THSD7A: variants seen among roughly 807,000 people sequenced by gnomAD.
THSD7A encodes the protein thrombospondin type 1 domain containing 7A.
In THSD7A, 96 loss-of-function variants were observed where a neutral mutation model predicts 231.3. The observed-to-expected ratio is 0.41, with a 90% CI of 0.35 to 0.49. The LOEUF is 0.49. Among genes scored for constraint, THSD7A ranks in the 20% least tolerant of loss-of-function variants. The pLI is 0.05. For synonymous variants in THSD7A, 940 were observed against 743.3 expected, an observed-to-expected ratio of 1.26 and a Z score of -4.30; for missense variants, 2,290 against 2,070.2, an observed-to-expected ratio of 1.11 and a Z score of -2.06.
intron 16 of THSD7A, among the ~76,000 whole-genome samples, chr7:11,422,017 A>G (rs892995812): frequency 2.8e-4 from 43 of 152,172 alleles, no homozygotes; most frequent in Non-Finnish European, 1.5e-5. Context: ...CTTTCTAAGG[A>G]GCAAGAATTA....
At chr7:11,501,306 C>T (rs528861367) in intron 6 of THSD7A, among the ~76,000 whole-genome samples, 10 of 152,202 alleles carry the variant, frequency 6.6e-5, no homozygotes, top group Non-Finnish European at 1.2e-4. Context: ...GAAATCTCCA[C>T]CCAAAAGCAA....
chr7:11,799,216 C>A (rs990278820), intron 1 of THSD7A, among the ~76,000 whole-genome samples: 1 of 152,050 alleles, frequency 6.6e-6, no homozygotes, highest in Non-Finnish European at 1.5e-5. Flanking sequence ...CCACCGCGCC[C>A]GGCCTTACCA....
chr7:11,749,624 ACT>A (rs1295955370), intron 1 of THSD7A, among the ~76,000 whole-genome samples: 1 of 151,944 alleles, frequency 6.6e-6, no homozygotes, highest in East Asian at 1.9e-4. Flanking sequence ...TGTTTCTTTA[ACT>A]TGCACTCAAG....
intron 4 of THSD7A, among the ~76,000 whole-genome samples, chr7:11,576,963 T>C (rs765744913): frequency 6.6e-6 from 1 of 152,200 alleles, no homozygotes; most frequent in African/African-American, 2.4e-5. Flanking sequence ...GAAGCGAGTA[T>C]GCTTGCAATG....
At chr7:11,437,070 TA>T in intron 13 of THSD7A, among the ~76,000 whole-genome samples, 1 of 152,118 alleles carries the variant, frequency 6.6e-6, no homozygotes, top group Non-Finnish European at 1.5e-5. Context: ...ACTTTATTCC[TA>T]AAAAACTGAA....
At chr7:11,571,372 C>A (rs1001428875) in intron 4 of THSD7A, among the ~76,000 whole-genome samples, 10 of 152,090 alleles carry the variant, frequency 6.6e-5, no homozygotes, top group African/African-American at 2.4e-4. Flanking sequence ...CATGTTTTCC[C>A]CTGTTGAGCT....
chr7:11,542,168 T>G (rs1789179541), intron 5 of THSD7A, among the ~76,000 whole-genome samples: 1 of 152,216 alleles, frequency 6.6e-6, no homozygotes. Flanking sequence ...TTTTAGACCC[T>G]CTGGAAATTT....
chr7:11,602,213 T>C (rs1035567852), intron 2 of THSD7A, among the ~76,000 whole-genome samples: 5 of 152,136 alleles, frequency 3.3e-5, no homozygotes, highest in African/African-American at 7.2e-5. Flanking sequence ...GTATTAAATA[T>C]GAGAAATTAA....
chr7:11,376,767 G>A (rs975572176), intron 26 of THSD7A, 110 bp from the exon 27 acceptor site: 6 of 638,146 alleles, frequency 9.4e-6, no homozygotes, highest in African/African-American at 3.7e-5. Flanking sequence ...TTCAAAACCC[G>A]AAAAGAATTA....
At chr7:11,776,568 T>C (rs1365731602) in intron 1 of THSD7A, among the ~76,000 whole-genome samples, 1 of 152,212 alleles carries the variant, frequency 6.6e-6, no homozygotes, top group Non-Finnish European at 1.5e-5. Context: ...AAGCACTGTA[T>C]AAGGTTTGTC....
At chr7:11,480,898 A>T (rs1786396008) in intron 7 of THSD7A, among the ~76,000 whole-genome samples, 1 of 149,036 alleles carries the variant, frequency 6.7e-6, no homozygotes, top group Non-Finnish European at 1.5e-5. Flanking sequence ...TACAAATAGA[A>T]ATAATTATTT....
chr7:11,526,576 T>C (rs1366742254), intron 6 of THSD7A, among the ~76,000 whole-genome samples: 1 of 152,242 alleles, frequency 6.6e-6, no homozygotes, highest in South Asian at 2.1e-4. Context: ...GGCATAACCA[T>C]GTGCCTGTGA....
intron 23 of THSD7A, among the ~76,000 whole-genome samples, chr7:11,387,874 A>C (rs181860970): frequency 7.2e-4 from 109 of 152,194 alleles, no homozygotes; most frequent in African/African-American, 2.6e-3. Flanking sequence ...TTATTTTGAG[A>C]TATGTTTCAT....
intron 1 of THSD7A, among the ~76,000 whole-genome samples, chr7:11,654,795 T>C (rs1782646119): frequency 6.6e-6 from 1 of 151,926 alleles, no homozygotes; most frequent in South Asian, 2.1e-4. Context: ...ACAGTAAGGA[T>C]GCATTTTAAA....
intron 4 of THSD7A, among the ~76,000 whole-genome samples, chr7:11,581,084 G>T (rs1473059988): frequency 6.6e-6 from 1 of 151,972 alleles, no homozygotes; most frequent in South Asian, 2.1e-4. Context: ...AACATAGAAT[G>T]AGTTTAATAT....
intron 1 of THSD7A, among the ~76,000 whole-genome samples, chr7:11,747,921 A>G (rs1477240271): frequency 6.6e-6 from 1 of 151,970 alleles, no homozygotes; most frequent in East Asian, 1.9e-4. Context: ...TTTCAGGGAA[A>G]TGGAAACAAT....
At chr7:11,546,378 A>C (rs1217355674) in intron 4 of THSD7A, among the ~76,000 whole-genome samples, 1 of 152,116 alleles carries the variant, frequency 6.6e-6, no homozygotes, top group African/African-American at 2.4e-5. Context: ...CAGCCCTTGC[A>C]GTACAGCAGG....
intron 1 of THSD7A, among the ~76,000 whole-genome samples, chr7:11,648,786 T>C (rs1393900152): frequency 6.6e-6 from 1 of 151,950 alleles, no homozygotes; most frequent in Non-Finnish European, 1.5e-5. Flanking sequence ...AGCCAGAGAC[T>C]CCTCATAGCC....
chr7:11,808,330 C>T (rs1247427645), intron 1 of THSD7A, among the ~76,000 whole-genome samples: 1 of 152,160 alleles, frequency 6.6e-6, no homozygotes, highest in Non-Finnish European at 1.5e-5. Context: ...GAGGTCTGCT[C>T]TTTCTTGTCC....
Sources: gnomAD v4.1 joint callset for allele counts (sites outside exome capture counted in the v4.1 genomes callset) on GRCh38, gnomAD v4.1.1 for gene constraint, MANE v1.5 for transcripts, NCBI Gene and HGNC (gene_info 2026-07-23, HGNC 2026-07-21) for gene names.